HRH2: variants seen among roughly 807,000 people sequenced by gnomAD.
The protein encoded by HRH2 is histamine receptor H2.
In HRH2, 4 loss-of-function variants were observed where a neutral mutation model predicts 20.1. The observed-to-expected ratio is 0.20, with a 90% confidence interval of 0.10 to 0.45. HRH2 has a LOEUF of 0.45. Among genes scored for constraint, HRH2 ranks in the 20% least tolerant of loss-of-function variants. The pLI is 0.99. For synonymous variants in HRH2, 197 were observed against 200.7 expected (o/e 0.98, Z 0.16); for missense variants, 250 against 461.6 (o/e 0.54, Z 4.20).
At chr5:175,698,922 G>A (rs968159516) in intron 2 of HRH2, among the ~76,000 whole-genome samples, 9 of 152,210 alleles carry the variant, frequency 5.9e-5, no homozygotes, top group African/African-American at 1.7e-4. Context: ...ACCTGCTCAC[G>A]CTGCCTGTTA....
rs535770452 is a variant in HRH2, at chr5:175,701,672, A to G, written c.1077-6107A>G. Among the ~76,000 whole-genome samples the G allele has an allele frequency of 1.6e-4, 24 of 152,242 alleles. 1 individual carries two copies. The East Asian group carries it at 4.2e-3, about 27-fold the overall frequency. On this transcript the variant is annotated intron_variant, in intron 2 of 2. Coordinates refer to ENST00000636584, the MANE Select transcript of HRH2 (RefSeq NM_001367711.1). ...CCCTCAACCAACTGTCACGTGCCCA[A>G]CCCTGAAGCCAGGGCAAAGGGAAAT... is the stretch of plus-strand genomic sequence containing the variant.
At chr5:175,660,683 G>GA (rs1375396562) in intron 1 of HRH2, among the ~76,000 whole-genome samples, 11 of 151,960 alleles carry the variant, frequency 7.2e-5, no homozygotes, top group Admixed American at 5.2e-4. Flanking sequence ...GTGCCTGATT[G>GA]AAAAAAAGGT....
intron 2 of HRH2, among the ~76,000 whole-genome samples, chr5:175,689,893 A>G (rs1462714780): frequency 2.0e-5 from 3 of 152,226 alleles, no homozygotes; most frequent in African/African-American, 4.8e-5. Flanking sequence ...TGGTTTGGCC[A>G]GAAGTCAGGG....
chr5:175,694,716 C>A (rs76399434), intron 2 of HRH2, among the ~76,000 whole-genome samples: 226 of 152,294 alleles, frequency 1.5e-3, no homozygotes, highest in African/African-American at 5.1e-3. Context: ...TCTGAGACAG[C>A]CTTGTTCTGA....
intron 1 of HRH2, among the ~76,000 whole-genome samples, chr5:175,674,119 G>A (rs1755670663): frequency 6.6e-6 from 1 of 152,240 alleles, no homozygotes; most frequent in South Asian, 2.1e-4. Flanking sequence ...GCTGTTGGCA[G>A]AGGCCAAGCA....
intron 1 of HRH2, among the ~76,000 whole-genome samples, chr5:175,662,923 T>C (rs1000897929): frequency 6.6e-6 from 1 of 152,242 alleles, no homozygotes; most frequent in African/African-American, 2.4e-5. Flanking sequence ...AACTGAATCA[T>C]ACAATAGGTT....
At chr5:175,661,499 C>T (rs1425864113) in intron 1 of HRH2, among the ~76,000 whole-genome samples, 2 of 152,250 alleles carry the variant, frequency 1.3e-5, no homozygotes, top group African/African-American at 2.4e-5. Flanking sequence ...CGTTCAGCCA[C>T]TTGCCCAGTA....
chr5:175,669,511 A>G (rs1367416099), intron 1 of HRH2, among the ~76,000 whole-genome samples: 1 of 152,008 alleles, frequency 6.6e-6, no homozygotes, highest in Non-Finnish European at 1.5e-5. Flanking sequence ...TTACAGGCAC[A>G]CACCAGCACA....
At chr5:175,661,957 GGT>G (rs1185945950) in intron 1 of HRH2, among the ~76,000 whole-genome samples, 1 of 152,154 alleles carries the variant, frequency 6.6e-6, no homozygotes, top group African/African-American at 2.4e-5. Flanking sequence ...AGGAGGCGGA[GGT>G]TGCAGTGAGC....
chr5:175,694,294 C>A (rs1043656268), intron 2 of HRH2, among the ~76,000 whole-genome samples: 6 of 152,122 alleles, frequency 3.9e-5, no homozygotes, highest in African/African-American at 1.4e-4. Context: ...GCTTTGGAAG[C>A]GGCATGCAGT....
At chr5:175,698,736 C>T (rs575901181) in intron 2 of HRH2, among the ~76,000 whole-genome samples, 1 of 152,288 alleles carries the variant, frequency 6.6e-6, no homozygotes, top group African/African-American at 2.4e-5. Flanking sequence ...GCCTAAAGCT[C>T]CCAGACCCAC....
Position 175,691,525 on chromosome 5 carries a change from C to T in HRH2, c.1076+7216C>T, listed in dbSNP as rs193202456. Among the ~76,000 whole-genome samples, 41 of 152,230 alleles carry T rather than the reference C, an allele frequency of 2.7e-4. No homozygotes were observed. The South Asian group carries it at 4.1e-3, about 15-fold the overall frequency. ...CTGAAGGCGCTGCCTTCCCAGGGAC[C>T]GTGATGGGGCGGGAAGGGGCACCAT... On this transcript the variant is annotated intron_variant, in intron 2 of 2. Coordinates refer to ENST00000636584, the MANE Select transcript of HRH2 (RefSeq NM_001367711.1).
intron 1 of HRH2, among the ~76,000 whole-genome samples, chr5:175,658,547 G>A (rs1762636222): frequency 6.6e-6 from 1 of 152,210 alleles, no homozygotes; most frequent in African/African-American, 2.4e-5. Context: ...TTTGTCTCCG[G>A]GTCTGGGTGG....
intron 2 of HRH2, among the ~76,000 whole-genome samples, chr5:175,697,462 C>CA (rs60466733): frequency 0.035 from 2,893 of 82,434 alleles, 108 homozygotes; most frequent in African/African-American, 0.091. Context: ...GACTCCGTCT[C>CA]AAAAAAAAAA....
intron 1 of HRH2, among the ~76,000 whole-genome samples, chr5:175,662,879 G>T (rs531006443): frequency 6.6e-6 from 1 of 152,052 alleles, no homozygotes; most frequent in South Asian, 2.1e-4. Flanking sequence ...ACTTTCCCTC[G>T]CTATAGGTTT....
intron 1 of HRH2, among the ~76,000 whole-genome samples, chr5:175,658,463 C>A (rs1762633416): frequency 6.6e-6 from 1 of 152,146 alleles, no homozygotes; most frequent in African/African-American, 2.4e-5. Context: ...GCTCGGGACG[C>A]GGGTCGGCTT....
chr5:175,695,216 C>T (rs574745547), intron 2 of HRH2, among the ~76,000 whole-genome samples: 1 of 152,200 alleles, frequency 6.6e-6, no homozygotes, highest in African/African-American at 2.4e-5. Flanking sequence ...CATCGCCGCC[C>T]TGGTAACGGT....
At chr5:175,663,360 G>A (rs1762792996) in intron 1 of HRH2, among the ~76,000 whole-genome samples, 1 of 152,212 alleles carries the variant, frequency 6.6e-6, no homozygotes, top group Admixed American at 6.5e-5. Context: ...CCTTGTGGGT[G>A]TGAAGTCGTG....
At position 175,709,060 on chromosome 5, in the gene HRH2, G is replaced by A. The variant is rs1481801010; in HGVS notation, c.*1089G>A. On this transcript the variant is annotated 3_prime_UTR_variant, in exon 3 of 3. Coordinates refer to ENST00000636584, the MANE Select transcript of HRH2 (RefSeq NM_001367711.1). Reference sequence around the variant, plus strand: ...TGTTCCTATTTACAGGATCCATAAAGAGACTCAAAGAGATAGGGTAGTGCC... The same window carrying A: ...TGTTCCTATTTACAGGATCCATAAAAAGACTCAAAGAGATAGGGTAGTGCC... 1.3e-5 allele frequency: 2 copies of A among 152,086 alleles called. No individual in the cohort carries two copies. The highest frequency in any genetic ancestry group is 3.9e-4 in the East Asian group (2 of 5,156). 9.4% of individuals were successfully genotyped at this position (152,086 alleles called of 1,614,324 possible).
Sources: allele counts gnomAD v4.1 joint callset (sites outside exome capture counted in the v4.1 genomes callset), GRCh38; gene constraint gnomAD v4.1.1; transcripts MANE v1.5; gene names NCBI Gene and HGNC (gene_info 2026-07-23, HGNC 2026-07-21).